The following TRPM3 variants were observed in gnomAD, a reference collection of about 807,000 sequenced individuals.
The protein encoded by TRPM3 is transient receptor potential cation channel subfamily M member 3.
TRPM3 carries 77 observed loss-of-function variants against 181.2 expected under a neutral mutation model. The observed-to-expected ratio is 0.42, with a 90% CI of 0.35 to 0.51. The LOEUF (loss-of-function observed/expected upper bound fraction) is 0.51. Ranked by LOEUF, TRPM3 falls within the 20% of genes least tolerant of loss-of-function variation. TRPM3 has a pLI of 0.01. For missense variants in TRPM3, 1,759 were observed against 2,196.7 expected (o/e 0.80, Z 3.98); for synonymous variants, 745 against 796.4 (o/e 0.94, Z 1.09).
intron 1 of TRPM3, among the ~76,000 whole-genome samples, chr9:71,076,262 A>G: frequency 6.6e-6 from 1 of 152,206 alleles, no homozygotes; most frequent in East Asian, 1.9e-4. Context: ...ATGAAACCAG[A>G]AAAACGCTAT....
At chr9:71,248,000 T>A (rs1006112981) in intron 1 of TRPM3, among the ~76,000 whole-genome samples, 1 of 152,228 alleles carries the variant, frequency 6.6e-6, no homozygotes, top group African/African-American at 2.4e-5. Flanking sequence ...CAAAAGCTGA[T>A]AGACTGTCCT....
intron 1 of TRPM3, among the ~76,000 whole-genome samples, chr9:71,136,309 C>T (rs992128786): frequency 2.0e-5 from 3 of 152,158 alleles, no homozygotes; most frequent in Non-Finnish European, 2.9e-5. Flanking sequence ...CTGAGTGACA[C>T]ATGGGAAATG....
In TRPM3 at chr9:70,660,081, C is replaced by T. The variant is rs571429304; in HGVS notation, c.1346-19421G>A. ...GGGACCTACCTGTCTAGGAATAAACCATTATAGCCATGACAGATCAGATGA... is the reference window on the plus strand; with the variant it reads ...GGGACCTACCTGTCTAGGAATAAACTATTATAGCCATGACAGATCAGATGA... On this transcript the variant is annotated intron_variant, in intron 9 of 25. Transcript: ENST00000677713. 5.3e-5 allele frequency among the ~76,000 whole-genome samples: 8 copies of T among 152,178 alleles called. No homozygotes were observed. The South Asian group carries it at 1.7e-3, about 32-fold the overall frequency.
At chr9:71,268,123 G>C (rs2083513720) in intron 1 of TRPM3, among the ~76,000 whole-genome samples, 1 of 152,210 alleles carries the variant, frequency 6.6e-6, no homozygotes, top group Non-Finnish European at 1.5e-5. Flanking sequence ...GCTCAAGCCT[G>C]TAATCTCAGC....
At chr9:70,792,077 G>A (rs898638603) in intron 6 of TRPM3, among the ~76,000 whole-genome samples, 1 of 152,134 alleles carries the variant, frequency 6.6e-6, no homozygotes, top group African/African-American at 2.4e-5. Flanking sequence ...CTCTCATGGT[G>A]TCCGCCCTAT....
At chr9:71,031,476 A>C (rs753614809) in intron 1 of TRPM3, among the ~76,000 whole-genome samples, 1 of 152,182 alleles carries the variant, frequency 6.6e-6, no homozygotes, top group Non-Finnish European at 1.5e-5. Flanking sequence ...GGCATTACAG[A>C]TGAGATATAT....
intron 1 of TRPM3, among the ~76,000 whole-genome samples, chr9:71,391,269 C>T (rs1020336925): frequency 6.6e-6 from 1 of 151,924 alleles, no homozygotes; most frequent in African/African-American, 2.4e-5. Flanking sequence ...TTCTATTTTA[C>T]ACAACAGGAA....
intron 22 of TRPM3, among the ~76,000 whole-genome samples, chr9:70,588,953 G>A (rs1483844971): frequency 6.6e-6 from 1 of 152,196 alleles, no homozygotes. Context: ...CAGAAAACTG[G>A]CTGATTTAGC....
intron 1 of TRPM3, among the ~76,000 whole-genome samples, chr9:71,356,806 G>T (rs145663452): frequency 6.6e-6 from 1 of 151,946 alleles, no homozygotes; most frequent in Non-Finnish European, 1.5e-5. Flanking sequence ...TTCCAGCCCC[G>T]AGCCCCAGAG....
intron 1 of TRPM3, among the ~76,000 whole-genome samples, chr9:71,011,488 T>C (rs376476482): frequency 3.9e-5 from 6 of 152,208 alleles, no homozygotes; most frequent in African/African-American, 1.4e-4. Flanking sequence ...GCACAGTATT[T>C]TCTGTTAACT....
chr9:70,938,958 A>C (rs79705872), intron 1 of TRPM3, among the ~76,000 whole-genome samples: 2 of 148,570 alleles, frequency 1.3e-5, no homozygotes, highest in Non-Finnish European at 3.0e-5. Context: ...ACTCCGTCTC[A>C]AAAAAAAAAA....
chr9:71,439,043 A>G (rs1242966325), intron 1 of TRPM3, among the ~76,000 whole-genome samples: 1 of 152,224 alleles, frequency 6.6e-6, no homozygotes, highest in Non-Finnish European at 1.5e-5. Context: ...TCAATATAGT[A>G]TGGATTTTAT....
At chr9:70,842,969 G>A (rs1272578164) in intron 5 of TRPM3, 34 bp downstream of exon 5, 4 of 1,607,250 alleles carry the variant, frequency 2.5e-6, no homozygotes, top group Non-Finnish European at 3.4e-6. Flanking sequence ...CCCTCTAGGA[G>A]AAGTCATGGA....
intron 20 of TRPM3, among the ~76,000 whole-genome samples, chr9:70,602,114 T>TC: frequency 6.6e-6 from 1 of 150,576 alleles, no homozygotes; most frequent in East Asian, 1.9e-4. Flanking sequence ...TCCTTTTTTT[T>TC]TTTTTTTTTT....
chr9:70,628,050 A>G (rs2133331769), intron 12 of TRPM3, among the ~76,000 whole-genome samples: 1 of 152,336 alleles, frequency 6.6e-6, no homozygotes, highest in East Asian at 1.9e-4. Context: ...AACTAAACTG[A>G]GTTTAAAAAT....
At chr9:71,321,130 T>C (rs2089184532) in intron 1 of TRPM3, among the ~76,000 whole-genome samples, 1 of 152,186 alleles carries the variant, frequency 6.6e-6, no homozygotes, top group African/African-American at 2.4e-5. Flanking sequence ...GTTTTTAAGA[T>C]GTATTCTCTG....
intron 1 of TRPM3, among the ~76,000 whole-genome samples, chr9:70,968,953 C>A (rs1226728544): frequency 6.6e-6 from 1 of 152,022 alleles, no homozygotes; most frequent in Non-Finnish European, 1.5e-5. Flanking sequence ...TAGGCATGAG[C>A]AAAGACTTCA....
chr9:71,208,261 T>G (rs150032642), intron 1 of TRPM3, among the ~76,000 whole-genome samples: 5 of 152,284 alleles, frequency 3.3e-5, no homozygotes, highest in African/African-American at 1.2e-4. Context: ...TAAATAATAG[T>G]GTAAAACGGT....
At chr9:71,259,790 C>A (rs2082917807) in intron 1 of TRPM3, among the ~76,000 whole-genome samples, 1 of 152,064 alleles carries the variant, frequency 6.6e-6, no homozygotes, top group South Asian at 2.1e-4. Flanking sequence ...TGGATATTAG[C>A]CCTTTGCCAG....
Sources: allele counts gnomAD v4.1 joint callset (sites outside exome capture counted in the v4.1 genomes callset), GRCh38; gene constraint gnomAD v4.1.1; transcripts MANE v1.5; gene names NCBI Gene and HGNC (gene_info 2026-07-23, HGNC 2026-07-21).